The following DPYD variants were observed in gnomAD, a reference collection of about 807,000 sequenced individuals.
DPYD encodes dihydropyrimidine dehydrogenase [NADP(+)].
Under a neutral mutation model 116.2 loss-of-function variants are expected in DPYD, and 109 were observed. The ratio of observed to expected loss-of-function variants is 0.94; its 90% CI spans 0.80 to 1.10. DPYD has a LOEUF of 1.10. Among genes scored for constraint, DPYD ranks in the 50% least tolerant of loss-of-function variants. DPYD has a pLI of 0.00. For missense variants in DPYD, 1,302 were observed against 1,254.5 expected, an observed-to-expected ratio of 1.04 and a Z score of -0.57; for synonymous variants, 440 against 432.0, an observed-to-expected ratio of 1.02 and a Z score of -0.23.
chr1:97,845,383 A>C (rs1422570615), intron 2 of DPYD, among the ~76,000 whole-genome samples: 3 of 152,138 alleles, frequency 2.0e-5, no homozygotes. Flanking sequence ...GAAAGGAGCT[A>C]CCCAATTTGG....
At chr1:97,559,642 C>CT (rs142860494) in intron 11 of DPYD, among the ~76,000 whole-genome samples, 259 of 147,890 alleles carry the variant, frequency 1.8e-3, no homozygotes, top group Non-Finnish European at 2.8e-3. Flanking sequence ...CATCTTACGG[C>CT]TTTTTTTTTT....
At chr1:97,679,705 C>T (rs1199539679) in intron 7 of DPYD, among the ~76,000 whole-genome samples, 1 of 152,016 alleles carries the variant, frequency 6.6e-6, no homozygotes, top group South Asian at 2.1e-4. Flanking sequence ...TGATAACGGA[C>T]AGTGTCAAGG....
intron 7 of DPYD, among the ~76,000 whole-genome samples, chr1:97,687,417 C>A (rs1335916465): frequency 4.6e-5 from 7 of 151,930 alleles, no homozygotes; most frequent in African/African-American, 1.7e-4. Context: ...GCAAATCAAA[C>A]CCACAATGAG....
intron 1 of DPYD, among the ~76,000 whole-genome samples, chr1:97,920,066 G>C (rs945208631): frequency 6.6e-6 from 1 of 152,054 alleles, no homozygotes; most frequent in African/African-American, 2.4e-5. Flanking sequence ...AAACAAAACA[G>C]AAAACTAAAA....
In DPYD at chr1:97,803,694, T is replaced by C. The variant is rs192789078; in HGVS notation, c.233+24420A>G. ...CAAAGTTCCCCTTCTGATTATTAAA[T>C]GAAATATGGCTGAAAAGTTAAAATT... On this transcript the variant is annotated intron_variant, in intron 3 of 22. Transcript: ENST00000370192. 1.3e-3 allele frequency among the ~76,000 whole-genome samples: 205 copies of C among 152,002 alleles called. 1 individual carries two copies. Among genetic ancestry groups the C allele is most frequent in the Non-Finnish European group, 2.2e-3 (150 of 67,814 alleles).
At chr1:97,342,081 G>C (rs564564204) in intron 16 of DPYD, among the ~76,000 whole-genome samples, 1 of 152,166 alleles carries the variant, frequency 6.6e-6, no homozygotes, top group Non-Finnish European at 1.5e-5. Flanking sequence ...TTCTTCTTGA[G>C]TCAATGAATT....
chr1:97,287,164 G>C (rs1215485570), intron 18 of DPYD, among the ~76,000 whole-genome samples: 1 of 152,196 alleles, frequency 6.6e-6, no homozygotes, highest in Non-Finnish European at 1.5e-5. Context: ...CTCAGCTGCA[G>C]GTCTGTTGGA....
intron 16 of DPYD, among the ~76,000 whole-genome samples, chr1:97,316,219 T>C (rs1667820278): frequency 6.6e-6 from 1 of 151,786 alleles, no homozygotes. Context: ...GCTGGGCACA[T>C]TGGCTCATGC....
chr1:97,652,377 A>G (rs1658637323), intron 8 of DPYD, among the ~76,000 whole-genome samples: 1 of 152,198 alleles, frequency 6.6e-6, no homozygotes, highest in Non-Finnish European at 1.5e-5. Flanking sequence ...CAATTGAATA[A>G]AAAGGAAATA....
intron 1 of DPYD, among the ~76,000 whole-genome samples, chr1:97,910,243 T>C (rs1673870398): frequency 6.6e-6 from 1 of 152,114 alleles, no homozygotes; most frequent in African/African-American, 2.4e-5. Flanking sequence ...GCAGAATTCT[T>C]TTCTGTCTTG....
At chr1:97,295,395 A>C (rs1666461840) in intron 18 of DPYD, 2 of 152,210 alleles carry the variant, frequency 1.3e-5, no homozygotes, top group South Asian at 2.1e-4. Context: ...TACCAAAAAG[A>C]GCACATATTA....
intron 1 of DPYD, among the ~76,000 whole-genome samples, chr1:97,897,996 T>C (rs1241864553): frequency 6.6e-6 from 1 of 151,760 alleles, no homozygotes; most frequent in Non-Finnish European, 1.5e-5. Context: ...AATTGAATTA[T>C]TTGAAAATGA....
At chr1:97,198,579 A>G (rs1658974928) in intron 19 of DPYD, among the ~76,000 whole-genome samples, 2 of 152,274 alleles carry the variant, frequency 1.3e-5, no homozygotes, top group South Asian at 4.1e-4. Context: ...CGCTATCTCA[A>G]AGGTAAATCG....
At chr1:97,114,984 A>G (rs1187780482) in intron 20 of DPYD, among the ~76,000 whole-genome samples, 1 of 152,142 alleles carries the variant, frequency 6.6e-6, no homozygotes, top group African/African-American at 2.4e-5. Flanking sequence ...GCTTTTTGTC[A>G]TTCATCTCTC....
intron 2 of DPYD, chr1:97,855,490 C>G (rs1449162479): frequency 6.6e-6 from 1 of 151,934 alleles, no homozygotes; most frequent in Non-Finnish European, 1.5e-5. Flanking sequence ...AACTTAAGAA[C>G]AAATTATTAG....
At chr1:97,176,918 TTAACTC>T (rs1179594031) in intron 20 of DPYD, among the ~76,000 whole-genome samples, 2 of 126,202 alleles carry the variant, frequency 1.6e-5, no homozygotes, top group Admixed American at 1.6e-4. Flanking sequence ...TCCTAAAAGA[TTAACTC>T]TAAGAAGTTT....
At chr1:97,902,387 A>G (rs528546175) in intron 1 of DPYD, among the ~76,000 whole-genome samples, 8 of 151,968 alleles carry the variant, frequency 5.3e-5, no homozygotes, top group African/African-American at 1.4e-4. Context: ...TGAAAGTAGC[A>G]TAAGAGCAAG....
chr1:97,288,119 T>A (rs1665859562), intron 18 of DPYD, among the ~76,000 whole-genome samples: 1 of 151,416 alleles, frequency 6.6e-6, no homozygotes, highest in Non-Finnish European at 1.5e-5. Flanking sequence ...AGGGATCAAT[T>A]CAACAAGAAA....
chr1:97,144,920 C>T lies in DPYD; in HGVS notation c.2623-46288G>A, dbSNP rs58743492. On this transcript the variant is annotated intron_variant, in intron 20 of 22. Transcript: ENST00000370192. ...TAAATCTTGCAAATAAAACAGTATA[C>T]CTTTCAACGTGGTGGCTGAGATTGT... Among the ~76,000 whole-genome samples, 753 of 152,230 alleles carry T rather than the reference C, an allele frequency of 4.9e-3. 8 individuals carry two copies. The highest frequency in any genetic ancestry group is 0.017 in the African/African-American group (711 of 41,534).
Sources: gnomAD v4.1 joint callset for allele counts (sites outside exome capture counted in the v4.1 genomes callset) on GRCh38, gnomAD v4.1.1 for gene constraint, MANE v1.5 for transcripts, NCBI Gene and HGNC (gene_info 2026-07-23, HGNC 2026-07-21) for gene names.